The following CCSER1 variants were observed in gnomAD, a reference collection of about 807,000 sequenced individuals.
CCSER1 encodes coiled-coil serine rich protein 1.
CCSER1 carries 41 observed loss-of-function variants against 82.0 expected under a neutral mutation model. The ratio of observed to expected loss-of-function variants is 0.50; its 90% CI spans 0.39 to 0.65. The LOEUF (loss-of-function observed/expected upper bound fraction) is 0.65, where lower values mean the gene tolerates loss of function less well. Ranked by LOEUF, CCSER1 falls within the 30% of genes least tolerant of loss-of-function variation. The pLI is 0.00. For synonymous variants in CCSER1, 414 were observed against 383.9 expected (o/e 1.08, Z -0.92); for missense variants, 1,119 against 1,064.2 (o/e 1.05, Z -0.72).
chr4:90,373,596 T>G (rs957552254), intron 3 of CCSER1, among the ~76,000 whole-genome samples: 3 of 152,186 alleles, frequency 2.0e-5, no homozygotes, highest in Admixed American at 6.5e-5. Flanking sequence ...ATCAATTGCT[T>G]TAAGACATGT....
At chr4:90,923,088 A>G (rs1024132463) in intron 8 of CCSER1, among the ~76,000 whole-genome samples, 1 of 152,218 alleles carries the variant, frequency 6.6e-6, no homozygotes, top group Admixed American at 6.5e-5. Flanking sequence ...AAGCATAGAC[A>G]TTTGGTCTTG....
chr4:91,180,086 C>G (rs1446238765), intron 10 of CCSER1, among the ~76,000 whole-genome samples: 5 of 152,330 alleles, frequency 3.3e-5, no homozygotes, highest in Middle Eastern at 6.8e-3. Context: ...TCTAGACCCT[C>G]TTTGCCTGGG....
chr4:90,545,216 C>T (rs1277821580), intron 5 of CCSER1, among the ~76,000 whole-genome samples: 4 of 152,120 alleles, frequency 2.6e-5, no homozygotes, highest in Non-Finnish European at 2.9e-5. Context: ...GGAAGTCTTT[C>T]GACATTGGGA....
At chr4:91,186,117 G>A (rs1054032923) in intron 10 of CCSER1, among the ~76,000 whole-genome samples, 8 of 152,168 alleles carry the variant, frequency 5.3e-5, no homozygotes, top group Admixed American at 2.6e-4. Flanking sequence ...TGCTTGAACA[G>A]TCACTGGGGC....
intron 7 of CCSER1, among the ~76,000 whole-genome samples, chr4:90,813,611 C>A (rs1050781901): frequency 6.6e-6 from 1 of 152,178 alleles, no homozygotes; most frequent in African/African-American, 2.4e-5. Context: ...CTGATGGGTT[C>A]ATCAGGGGTT....
rs148502488 is a variant in CCSER1, at chr4:90,326,408, A to AT, written c.1509+13366dup. ...CCGTTTCTAAATTAGAGTAGCTGCC[A>AT]TTTTTATCACTTTTATAATCTCATT... On this transcript the variant is annotated intron_variant, in intron 3 of 10. Transcript: ENST00000509176. 7.5e-3 allele frequency among the ~76,000 whole-genome samples: 1,138 copies of AT among 152,038 alleles called. 13 individuals are homozygous for AT. Among genetic ancestry groups the AT allele is most frequent in the African/African-American group, 0.026 (1,097 of 41,466 alleles).
intron 9 of CCSER1, among the ~76,000 whole-genome samples, chr4:91,033,303 A>G (rs1442897600): frequency 6.6e-6 from 1 of 152,176 alleles, no homozygotes; most frequent in African/African-American, 2.4e-5. Flanking sequence ...GGAGTCATGG[A>G]GAGGCTGACC....
chr4:91,149,191 G>T (rs953779124), intron 10 of CCSER1, among the ~76,000 whole-genome samples: 66 of 151,970 alleles, frequency 4.3e-4, no homozygotes, highest in Non-Finnish European at 6.2e-4. Flanking sequence ...GTGTGAGATG[G>T]TGTCTCATTA....
intron 5 of CCSER1, 137 bp downstream of exon 5, chr4:90,468,491 TTCTATATTA>T: frequency 1.4e-6 from 1 of 700,750 alleles, no homozygotes; most frequent in Non-Finnish European, 2.2e-6. Context: ...AAATCATCTA[TTCTATATTA>T]TCTTAATGAA....
chr4:90,727,021 A>G (rs963118945), intron 7 of CCSER1, among the ~76,000 whole-genome samples: 1 of 152,174 alleles, frequency 6.6e-6, no homozygotes, highest in Non-Finnish European at 1.5e-5. Context: ...TATACTACAC[A>G]TAATAAACTC....
At chr4:91,410,037 G>T (rs959682934) in intron 10 of CCSER1, among the ~76,000 whole-genome samples, 2 of 152,202 alleles carry the variant, frequency 1.3e-5, no homozygotes, top group African/African-American at 4.8e-5. Context: ...ATCAGAATCA[G>T]TGTATTAATG....
At chr4:91,408,952 G>A (rs111990562) in intron 10 of CCSER1, among the ~76,000 whole-genome samples, 3 of 152,148 alleles carry the variant, frequency 2.0e-5, no homozygotes, top group Non-Finnish European at 2.9e-5. Flanking sequence ...TCAGACCTGG[G>A]TGTTCATGAT....
chr4:91,095,047 G>T (rs1013044183), intron 10 of CCSER1, among the ~76,000 whole-genome samples: 5 of 152,086 alleles, frequency 3.3e-5, no homozygotes, highest in African/African-American at 7.2e-5. Context: ...TATATCAATG[G>T]TTTTTTTGAT....
At chr4:90,509,225 T>C (rs898934299) in intron 5 of CCSER1, among the ~76,000 whole-genome samples, 2 of 152,138 alleles carry the variant, frequency 1.3e-5, no homozygotes, top group African/African-American at 4.8e-5. Flanking sequence ...TCATTTAATA[T>C]CTAAGCAGAA....
chr4:90,143,484 A>G (rs970700893), intron 1 of CCSER1, among the ~76,000 whole-genome samples: 1 of 117,782 alleles, frequency 8.5e-6, no homozygotes. Flanking sequence ...CCTAGCAAGT[A>G]CACACATACA....
intron 6 of CCSER1, among the ~76,000 whole-genome samples, chr4:90,658,186 T>A (rs1730075097): frequency 6.6e-6 from 1 of 152,138 alleles, no homozygotes; most frequent in Non-Finnish European, 1.5e-5. Context: ...TTTTTCCTTT[T>A]TATTTATGTA....
intron 5 of CCSER1, among the ~76,000 whole-genome samples, chr4:90,476,941 C>T (rs1765198608): frequency 6.6e-6 from 1 of 152,110 alleles, no homozygotes; most frequent in African/African-American, 2.4e-5. Flanking sequence ...CAGTGCAGTA[C>T]AGTTATCACT....
chr4:90,995,004 A>G (rs1188025809), intron 9 of CCSER1, among the ~76,000 whole-genome samples: 2 of 152,190 alleles, frequency 1.3e-5, no homozygotes, highest in Non-Finnish European at 2.9e-5. Context: ...AGAGCAGAGC[A>G]TCTGACATGC....
intron 8 of CCSER1, among the ~76,000 whole-genome samples, chr4:90,823,270 T>G (rs1760000708): frequency 6.6e-6 from 1 of 152,102 alleles, no homozygotes; most frequent in Admixed American, 6.6e-5. Flanking sequence ...CTTTAAAATT[T>G]TTTTCAATTA....
Sources: allele counts gnomAD v4.1 joint callset (sites outside exome capture counted in the v4.1 genomes callset), GRCh38; gene constraint gnomAD v4.1.1; transcripts MANE v1.5; gene names NCBI Gene and HGNC (gene_info 2026-07-23, HGNC 2026-07-21).